PEMT: variants seen among roughly 807,000 people sequenced by gnomAD.
The protein encoded by PEMT is phosphatidylethanolamine N-methyltransferase.
In PEMT, 23 loss-of-function variants were observed where a neutral mutation model predicts 27.4. The observed-to-expected ratio is 0.84, with a 90% CI of 0.60 to 1.19. PEMT has a LOEUF of 1.19. Ranked by LOEUF, PEMT falls within the 50% of genes most tolerant of loss-of-function variation. The pLI is 0.00. For synonymous variants in PEMT, 137 were observed against 139.1 expected, an observed-to-expected ratio of 0.98 and a Z score of 0.11; for missense variants, 307 against 310.1, an observed-to-expected ratio of 0.99 and a Z score of 0.07.
chr17:17,518,318 C>A (rs931612852), intron 3 of PEMT, among the ~76,000 whole-genome samples: 5 of 152,220 alleles, frequency 3.3e-5, no homozygotes, highest in African/African-American at 4.8e-5. Context: ...TCGAGACCAG[C>A]CTTGTGGCTC....
At chr17:17,558,555 G>A (rs994163559) in intron 2 of PEMT, among the ~76,000 whole-genome samples, 8 of 151,610 alleles carry the variant, frequency 5.3e-5, no homozygotes, top group African/African-American at 1.7e-4. Context: ...GCATGGTGAC[G>A]TGTGGCTGTA....
chr17:17,591,878 G>A (rs1912608429), upstream of PEMT: 3 of 985,468 alleles, frequency 3.0e-6, no homozygotes, highest in Non-Finnish European at 2.4e-6. Flanking sequence ...TGCCGGTTCC[G>A]CTGCAGCTAC....
At chr17:17,566,473 C>T (rs1473735607) in intron 2 of PEMT, among the ~76,000 whole-genome samples, 4 of 152,194 alleles carry the variant, frequency 2.6e-5, no homozygotes, top group East Asian at 1.9e-4. Flanking sequence ...AGCTCTCAGT[C>T]TAGGCAGGAG....
intron 1 of PEMT, among the ~76,000 whole-genome samples, chr17:17,589,771 CTTT>C (rs1378747716): frequency 6.6e-5 from 10 of 152,302 alleles, no homozygotes; most frequent in Admixed American, 2.6e-4. Context: ...ATGTTTCTTT[CTTT>C]CTTTCTTTAA....
intron 3 of PEMT, among the ~76,000 whole-genome samples, chr17:17,514,804 C>T (rs950044408): frequency 2.6e-5 from 4 of 152,256 alleles, no homozygotes; most frequent in South Asian, 2.1e-4. Flanking sequence ...GGAAGGGTGC[C>T]GGCCCTGCTC....
At chr17:17,574,822 A>T (rs1911469568) in intron 2 of PEMT, among the ~76,000 whole-genome samples, 1 of 152,136 alleles carries the variant, frequency 6.6e-6, no homozygotes, top group African/African-American at 2.4e-5. Context: ...ATGTACCTCA[A>T]TGACTGCTGG....
intron 3 of PEMT, among the ~76,000 whole-genome samples, chr17:17,514,985 G>A (rs1906709883): frequency 6.6e-6 from 1 of 152,226 alleles, no homozygotes; most frequent in Non-Finnish European, 1.5e-5. Flanking sequence ...GGAAGGTGCA[G>A]GCCTCGGCCC....
chr17:17,509,323 C>T (rs113391531), intron 5 of PEMT, 111 bp downstream of exon 5: 83 of 699,724 alleles, frequency 1.2e-4, no homozygotes, highest in African/African-American at 5.4e-4. Context: ...ACAAATGACA[C>T]GTTCTTCCTT....
chr17:17,512,685 C>A lies in PEMT; in HGVS notation c.321-31G>T. The A allele has an allele frequency of 6.7e-7, 1 of 1,481,566 alleles. No individual in the cohort carries two copies. 91.8% of individuals were successfully genotyped at this position (1,481,566 alleles called of 1,614,324 possible). A position where few individuals can be genotyped will look rare whatever the true frequency, so the allele number is the denominator to read the frequency against. On this transcript the variant is annotated intron_variant, in intron 3 of 6. Coordinates refer to ENST00000255389, the MANE Select transcript of PEMT (RefSeq NM_148172.3). This position sits in a 1 kb window ranked among gnomAD's most constrained non-coding sequence, Gnocchi z 6.3. ...GGCAGGGGATGGAGAGGGAGGACGT[C>A]ATGGCCAGGGAGGATGTCACAGCCC...
chr17:17,551,833 G>C (rs1240953945), intron 2 of PEMT, among the ~76,000 whole-genome samples: 1 of 152,222 alleles, frequency 6.6e-6, no homozygotes, highest in Non-Finnish European at 1.5e-5. Context: ...ATGGAGGAGG[G>C]CAGGGAACCT....
chr17:17,542,320 C>G (rs912962129), intron 2 of PEMT, among the ~76,000 whole-genome samples: 2 of 152,248 alleles, frequency 1.3e-5, no homozygotes, highest in Non-Finnish European at 2.9e-5. Flanking sequence ...TGCCAAGCAA[C>G]CTGGTTTGCC....
In PEMT at chr17:17,582,251, G is replaced by A; in HGVS notation, c.97-5224C>T. 2.0e-6 allele frequency: 2 copies of A among 985,374 alleles called. No individual in the cohort carries two copies. The highest frequency in any genetic ancestry group is 2.4e-6 in the Non-Finnish European group (2 of 829,882). 61.0% of individuals were successfully genotyped at this position (985,374 alleles called of 1,614,324 possible). On this transcript the variant is annotated intron_variant, in intron 1 of 6. Transcript: ENST00000255389. This position sits in a 1 kb window ranked among gnomAD's most constrained non-coding sequence, Gnocchi z 4.9. ...CAGAGGCCTCGGAATCTGACTAAAG[G>A]AAAGGAGCTACCCACCACGGCCAGG...
In PEMT at chr17:17,571,384, C is replaced by G. The variant is rs550493480; in HGVS notation, c.204+5536G>C. 2.6e-5 allele frequency among the ~76,000 whole-genome samples: 4 copies of G among 152,156 alleles called. No individual in the cohort carries two copies. The East Asian group carries it at 7.7e-4, about 29-fold the overall frequency. On this transcript the variant is annotated intron_variant, in intron 2 of 6. Transcript: ENST00000255389. ...CCCCCAAAGACCCAGAAAGAGAAGG[C>G]CGGGAAAGCCTCCCATGGTCTGAAC...
intron 2 of PEMT, among the ~76,000 whole-genome samples, chr17:17,535,634 T>C (rs768582592): frequency 6.6e-6 from 1 of 152,062 alleles, no homozygotes; most frequent in Non-Finnish European, 1.5e-5. Flanking sequence ...GTGAGATATT[T>C]ACTGATGAAA....
intron 2 of PEMT, among the ~76,000 whole-genome samples, chr17:17,532,532 T>C (rs747838293): frequency 2.0e-5 from 3 of 152,204 alleles, no homozygotes; most frequent in Admixed American, 6.5e-5. Flanking sequence ...TCTAAATAAA[T>C]GGACAGACAT....
chr17:17,509,375 A>T (rs1906165720), intron 5 of PEMT, 59 bp downstream of exon 5: 5 of 1,162,334 alleles, frequency 4.3e-6, no homozygotes, highest in Non-Finnish European at 6.4e-6. Context: ...CCTGAGCTGC[A>T]CCAGCTCCTC....
intron 1 of PEMT, among the ~76,000 whole-genome samples, chr17:17,589,771 C>T (rs891907404): frequency 6.6e-6 from 1 of 152,184 alleles, no homozygotes; most frequent in Non-Finnish European, 1.5e-5. Flanking sequence ...ATGTTTCTTT[C>T]TTTCTTTCTT....
intron 5 of PEMT, chr17:17,507,110 C>A: frequency 6.5e-7 from 1 of 1,530,400 alleles, no homozygotes; most frequent in Non-Finnish European, 8.9e-7. Flanking sequence ...GGCGCAGCTG[C>A]TTTGGGTTTC....
chr17:17,577,478 G>T, intron 1 of PEMT: 1 of 1,029,006 alleles, frequency 9.7e-7, no homozygotes, highest in Non-Finnish European at 1.2e-6. Flanking sequence ...CACTCGACAG[G>T]GGACAATCTT....
Sources: allele counts gnomAD v4.1 joint callset (sites outside exome capture counted in the v4.1 genomes callset), GRCh38; gene constraint gnomAD v4.1.1; non-coding constraint Gnocchi (gnomAD v3.1); transcripts MANE v1.5; gene names NCBI Gene and HGNC (gene_info 2026-07-23, HGNC 2026-07-21).